RPL31: variants seen among roughly 807,000 people sequenced by gnomAD.
RPL31 encodes large ribosomal subunit protein eL31.
For synonymous variants in RPL31, 51 were observed against 55.0 expected (o/e 0.93, Z 0.32); for missense variants, 95 against 164.0 (o/e 0.58, Z 2.30).
At chr2:101,002,514 G>T (rs916610669) in intron 1 of RPL31, 188 bp from the exon 2 acceptor site, 1 of 616,630 alleles carries the variant, frequency 1.6e-6, no homozygotes, top group Admixed American at 2.9e-5. Context: ...GAGCGGCAGG[G>T]ATTTCCGGGT....
At chr2:101,007,655 G>A (rs1194267651), downstream of RPL31, 1 of 678,424 alleles carries the variant, frequency 1.5e-6, no homozygotes, top group African/African-American at 1.8e-5. Flanking sequence ...ACATAGAAAT[G>A]CTTGAGGGTT....
intron 3 of RPL31, chr2:101,005,309 AAC>A (rs1354098497): frequency 6.5e-6 from 1 of 152,714 alleles, no homozygotes; most frequent in Non-Finnish European, 1.5e-5. Flanking sequence ...CAGAGTTTTT[AAC>A]ACTGTTTTTT....
At chr2:101,004,058 G>A (rs1678633315) in intron 2 of RPL31, 100 bp from the exon 3 acceptor site, 3 of 1,366,888 alleles carry the variant, frequency 2.2e-6, no homozygotes, top group African/African-American at 2.9e-5. Flanking sequence ...ATTGCTTAAA[G>A]TCAGTTTCCA....
chr2:101,003,876 T>C (rs559486388), intron 2 of RPL31, among the ~76,000 whole-genome samples: 1 of 152,220 alleles, frequency 6.6e-6, no homozygotes, highest in African/African-American at 2.4e-5. Context: ...CTAAGTGTTA[T>C]GCTAATTGCT....
chr2:101,002,879 C>A, intron 2 of RPL31, 71 bp downstream of exon 2: 1 of 1,090,124 alleles, frequency 9.2e-7, no homozygotes, highest in Non-Finnish European at 1.4e-6. Flanking sequence ...TGTGCCGAAT[C>A]ACCTCCACCC....
intron 4 of RPL31, 134 bp downstream of exon 4, chr2:101,006,205 T>G: frequency 6.6e-7 from 1 of 1,508,524 alleles, no homozygotes; most frequent in Non-Finnish European, 8.9e-7. Flanking sequence ...TGTGGGAAGA[T>G]GCTAAAGAAT....
downstream of RPL31, chr2:101,008,404 T>G: frequency 1.4e-6 from 1 of 736,746 alleles, no homozygotes; most frequent in Non-Finnish European, 2.1e-6. Flanking sequence ...GAAAAGGTAG[T>G]CTCTGCCTTT....
At chr2:101,007,748 G>T, downstream of RPL31, 1 of 1,479,562 alleles carries the variant, frequency 6.8e-7, no homozygotes, top group Non-Finnish European at 9.2e-7. Context: ...TCGGTTTAGG[G>T]CTGACCCCAA....
downstream of RPL31, chr2:101,008,247 A>C: frequency 4.5e-6 from 7 of 1,559,750 alleles, no homozygotes; most frequent in Non-Finnish European, 6.1e-6. Flanking sequence ...TACTGTACAG[A>C]GTTTTACAGA....
chr2:101,002,900 C>A, intron 2 of RPL31, 92 bp downstream of exon 2: 1 of 893,058 alleles, frequency 1.1e-6, no homozygotes, highest in East Asian at 2.5e-5. Context: ...CAATCTTTTC[C>A]TCTTGTGGCC....
At chr2:101,008,755 T>TAGTC (rs1678944625), downstream of RPL31, among the ~76,000 whole-genome samples, 1 of 151,308 alleles carries the variant, frequency 6.6e-6, no homozygotes, top group Non-Finnish European at 1.5e-5. Context: ...AAGGTTGTGG[T>TAGTC]AGTCAAGATC....
At chr2:101,018,357 G>A (rs1177265412) in intron 4 of RPL31, 1 of 157,508 alleles carries the variant, frequency 6.3e-6, no homozygotes, top group African/African-American at 2.4e-5. Context: ...AACGTTTTAA[G>A]TGCTTTTTTT....
At chr2:101,016,017 G>A (rs1679607571) in intron 4 of RPL31, among the ~76,000 whole-genome samples, 1 of 151,680 alleles carries the variant, frequency 6.6e-6, no homozygotes, top group Non-Finnish European at 1.5e-5. Flanking sequence ...GCATGGGCAA[G>A]GACTTCATGT....
Position 101,006,435 on chromosome 2 carries a change from T to C in RPL31, c.*54T>C. 6.5e-7 allele frequency: 1 copy of C among 1,537,712 alleles called. No homozygotes were observed. The highest frequency in any genetic ancestry group is 8.9e-7 in the Non-Finnish European group (1 of 1,126,996). On this transcript the variant is annotated 3_prime_UTR_variant, in exon 5 of 5. Coordinates refer to ENST00000264258, the MANE Select transcript of RPL31 (RefSeq NM_000993.5). ...TAAAATTGCCTTCATGTTTTTGTTC[T>C]TTTTAGTTGCAACATAATGTACTTG...
chr2:101,017,631 C>T (rs1679752294), intron 4 of RPL31, among the ~76,000 whole-genome samples: 1 of 152,210 alleles, frequency 6.6e-6, no homozygotes, highest in Admixed American at 6.5e-5. Context: ...CTTGGCAAAG[C>T]AGACCATGCT....
downstream of RPL31, chr2:101,011,579 C>G (rs761416852): frequency 1.2e-6 from 2 of 1,608,144 alleles, no homozygotes; most frequent in East Asian, 2.2e-5. Flanking sequence ...AACAAATTTT[C>G]TGCCTTACCA....
chr2:101,004,185 A>G lies in RPL31; in HGVS notation c.135A>G (p.Ala45=), dbSNP rs761824054. 1.2e-6 allele frequency: 2 copies of G among 1,614,024 alleles called. No individual in the cohort carries two copies. Among genetic ancestry groups the G allele is most frequent in the Non-Finnish European group, 1.7e-6 (2 of 1,179,920 alleles). Residue 45 remains alanine (A), a synonymous_variant, in exon 3 of 5, where the codon GCA becomes GCG. Transcript: ENST00000264258. ...GCTTCAAGAAGCGTGCACCTCGGGCACTCAAAGAGATTCGGAAATTTGCCA... is the reference window on the plus strand; with the variant it reads ...GCTTCAAGAAGCGTGCACCTCGGGCGCTCAAAGAGATTCGGAAATTTGCCA... ...GVGFKKRAPR[A]LKEIRKFAMK...
intron 4 of RPL31, 42 bp from the exon 5 acceptor site, chr2:101,006,308 A>G (rs1326483596): frequency 1.3e-6 from 2 of 1,594,512 alleles, no homozygotes; most frequent in Non-Finnish European, 1.7e-6. Flanking sequence ...GAAATATGAA[A>G]TGTGATGTGG....
downstream of RPL31, chr2:101,010,968 T>C: frequency 1.2e-6 from 2 of 1,613,184 alleles, no homozygotes; most frequent in Non-Finnish European, 1.7e-6. Flanking sequence ...TTTTATCTTT[T>C]TCTTTGGCTA....
Sources: allele counts gnomAD v4.1 joint callset (sites outside exome capture counted in the v4.1 genomes callset), GRCh38; gene constraint gnomAD v4.1.1; transcripts MANE v1.5; gene names NCBI Gene and HGNC (gene_info 2026-07-23, HGNC 2026-07-21).